MYO18B: variants seen among roughly 807,000 people sequenced by gnomAD.
The protein encoded by MYO18B is unconventional myosin-XVIIIb.
Under a neutral mutation model 273.0 loss-of-function variants are expected in MYO18B, and 204 were observed. The observed-to-expected ratio is 0.75, with a 90% confidence interval of 0.67 to 0.84. MYO18B has a LOEUF of 0.84. Ranked by LOEUF, MYO18B falls within the 40% of genes least tolerant of loss-of-function variation. The pLI, the probability that MYO18B is intolerant of heterozygous loss-of-function variation, is 0.00. For missense variants in MYO18B, 3,212 were observed against 3,287.6 expected (o/e 0.98, Z 0.56); for synonymous variants, 1,330 against 1,305.7 (o/e 1.02, Z -0.40).
At chr22:25,984,114 G>A (rs2093176641) in intron 39 of MYO18B, among the ~76,000 whole-genome samples, 1 of 150,032 alleles carries the variant, frequency 6.7e-6, no homozygotes, top group Non-Finnish European at 1.5e-5. Flanking sequence ...TTAGGTAGGT[G>A]AGGTGTACAC....
At chr22:25,774,419 C>G (rs760498011) in intron 7 of MYO18B, among the ~76,000 whole-genome samples, 3 of 152,230 alleles carry the variant, frequency 2.0e-5, no homozygotes, top group Admixed American at 2.0e-4. Flanking sequence ...CCCTGGAAAT[C>G]CCTGGAAGGG....
At chr22:26,052,637 G>A in the MYO18B span, among the ~76,000 whole-genome samples, 15 of 152,156 alleles carry the variant, frequency 9.9e-5, no homozygotes, top group Non-Finnish European at 1.5e-4. Flanking sequence ...AAGAAAGAAA[G>A]AAGAGGAAAA....
chr22:25,952,227 T>C (rs1601670055), intron 37 of MYO18B, 59 bp from the exon 38 acceptor site: 3 of 1,576,592 alleles, frequency 1.9e-6, no homozygotes, highest in East Asian at 4.6e-5. Flanking sequence ...GTCCTGCACA[T>C]GTCTCTGTCC....
Position 25,891,311 on chromosome 22 carries a change from A to C in MYO18B, c.4442A>C (p.His1481Pro). ...FREVQELKSK[H>P]EQVQKKLGDV... The stretch of plus-strand genomic sequence containing the variant: ...TTGAGCCCTTTCTTCTAGAGCAAGC[A>C]TGAACAAGTCCAGAAAAAACTGGGA... Residue 1481 changes from histidine (H) to proline (P), a missense_variant, in exon 27 of 44, where the codon CAT (histidine) becomes CCT (proline). Coordinates refer to ENST00000335473, the MANE Select transcript of MYO18B (RefSeq NM_032608.7). 1 of 1,569,198 alleles carries C rather than the reference A, an allele frequency of 6.4e-7. No individual in the cohort carries two copies. The highest frequency in any genetic ancestry group is 8.6e-7 in the Non-Finnish European group (1 of 1,156,332).
chr22:25,898,149 G>A, intron 28 of MYO18B, 158 bp from the exon 29 acceptor site: 1 of 707,112 alleles, frequency 1.4e-6, no homozygotes, highest in Non-Finnish European at 2.2e-6. Flanking sequence ...GCTTCCTGGA[G>A]GTGACCCTGG....
At chr22:25,948,687 C>G (rs1486481313) in intron 36 of MYO18B, among the ~76,000 whole-genome samples, 3 of 151,820 alleles carry the variant, frequency 2.0e-5, no homozygotes, top group Admixed American at 2.0e-4. Flanking sequence ...TTGTGGTGAT[C>G]AGAAGCACAT....
At chr22:25,997,994 AG>A (rs1933516169) in intron 40 of MYO18B, among the ~76,000 whole-genome samples, 1 of 151,812 alleles carries the variant, frequency 6.6e-6, no homozygotes, top group Non-Finnish European at 1.5e-5. Context: ...AGAGAGAGAG[AG>A]AGAGAGATGC....
At chr22:25,898,813 A>G (rs979362937) in intron 29 of MYO18B, 5 of 220,598 alleles carry the variant, frequency 2.3e-5, no homozygotes, top group Non-Finnish European at 3.6e-5. Flanking sequence ...TATAAAAGTC[A>G]TCTCATTCAA....
intron 14 of MYO18B, 135 bp from the exon 15 acceptor site, chr22:25,828,641 A>T: frequency 2.7e-6 from 2 of 748,206 alleles, no homozygotes; most frequent in Non-Finnish European, 4.3e-6. Context: ...CAGAGAGGTT[A>T]AGTAGCTTGC....
At chr22:25,873,412 C>A (rs1039928092) in intron 22 of MYO18B, among the ~76,000 whole-genome samples, 5 of 152,146 alleles carry the variant, frequency 3.3e-5, no homozygotes, top group African/African-American at 1.2e-4. Context: ...CTGTCTCTGC[C>A]CCTCCTTACA....
At chr22:25,788,008 C>T (rs531212346) in intron 11 of MYO18B, among the ~76,000 whole-genome samples, 59 of 152,216 alleles carry the variant, frequency 3.9e-4, no homozygotes, top group African/African-American at 1.4e-3. Flanking sequence ...CCCAACCTGA[C>T]CTGTTTGTTA....
At chr22:25,982,712 C>A (rs989700823) in intron 39 of MYO18B, among the ~76,000 whole-genome samples, 7 of 152,162 alleles carry the variant, frequency 4.6e-5, no homozygotes, top group Non-Finnish European at 1.0e-4. Flanking sequence ...TCTTCAAAGA[C>A]CCTTATGATT....
At position 25,781,737 on chromosome 22, in the gene MYO18B, A is replaced by G. The variant is rs1186200592; in HGVS notation, c.2215A>G (p.Met739Val). Reference sequence around the variant, plus strand: ...TGCCCCTCTTCTCTCCCTGCAGACAATGCTTTTGGAGAAGAGCCGCGTGGC... The same window carrying G: ...TGCCCCTCTTCTCTCCCTGCAGACAGTGCTTTTGGAGAAGAGCCGCGTGGC... The part of the protein sequence containing the change: ...GRITAAQLQT[M>V]LLEKSRVARQ... The change falls in exon 10 of 44, where the codon ATG (methionine) becomes GTG (valine). Residue 739 changes from methionine (M) to valine (V), a missense_variant. Physicochemically the swap from Met to Val is conservative, Grantham distance 21. Transcript: ENST00000335473. The G allele has an allele frequency of 1.9e-6, 3 of 1,556,878 alleles. No homozygotes were observed. Among genetic ancestry groups the G allele is most frequent in the East Asian group, 2.3e-5 (1 of 43,110 alleles).
intron 2 of MYO18B, 120 bp downstream of exon 2, chr22:25,761,251 A>G (rs1460243885): frequency 4.4e-6 from 5 of 1,129,346 alleles, no homozygotes; most frequent in Non-Finnish European, 6.6e-6. Context: ...TCCTAGTAGC[A>G]TGTGCAATCC....
intron 20 of MYO18B, among the ~76,000 whole-genome samples, chr22:25,848,416 G>A (rs1356250741): frequency 1.3e-5 from 2 of 152,194 alleles, no homozygotes; most frequent in East Asian, 3.8e-4. Context: ...GGAACATTAG[G>A]CAGAGGGATC....
intron 21 of MYO18B, among the ~76,000 whole-genome samples, chr22:25,860,873 T>C (rs1279188955): frequency 6.6e-6 from 1 of 151,440 alleles, no homozygotes; most frequent in Non-Finnish European, 1.5e-5. Flanking sequence ...GTTCAAGTCT[T>C]ATATATCATT....
intron 1 of MYO18B, among the ~76,000 whole-genome samples, chr22:25,749,124 T>C (rs2085865646): frequency 6.6e-6 from 1 of 152,214 alleles, no homozygotes; most frequent in African/African-American, 2.4e-5. Context: ...CCACTATCCG[T>C]CTATCAGGAT....
chr22:25,938,293 G>A (rs2092604944), intron 34 of MYO18B, among the ~76,000 whole-genome samples: 1 of 152,222 alleles, frequency 6.6e-6, no homozygotes, highest in Admixed American at 6.5e-5. Context: ...GCATAGAGAA[G>A]TAATGCTATT....
At chr22:25,891,721 A>C (rs1336822804) in intron 27 of MYO18B, among the ~76,000 whole-genome samples, 3 of 152,192 alleles carry the variant, frequency 2.0e-5, no homozygotes, top group African/African-American at 7.2e-5. Flanking sequence ...GTTTATGTGA[A>C]TATTTTAAAA....
Sources: allele counts gnomAD v4.1 joint callset (sites outside exome capture counted in the v4.1 genomes callset), GRCh38; gene constraint gnomAD v4.1.1; transcripts MANE v1.5; gene names NCBI Gene and HGNC (gene_info 2026-07-23, HGNC 2026-07-21).